The following MANBAL variants were observed in gnomAD, a reference collection of about 807,000 sequenced individuals.
MANBAL encodes the protein mannosidase beta like, also known as protein MANBAL.
MANBAL carries 1 observed loss-of-function variant against 6.4 expected under a neutral mutation model. The observed-to-expected ratio is 0.16, with a 90% confidence interval of 0.06 to 0.74. MANBAL has a LOEUF of 0.74. Among genes scored for constraint, MANBAL ranks in the 30% least tolerant of loss-of-function variants. The pLI is 0.78. For missense variants in MANBAL, 100 were observed against 107.8 expected (o/e 0.93, Z 0.32); for synonymous variants, 47 against 45.8 (o/e 1.03, Z -0.10).
chr20:37,311,543 A>C (rs1461514138), intron 2 of MANBAL, among the ~76,000 whole-genome samples: 13 of 152,180 alleles, frequency 8.5e-5, no homozygotes. Context: ...GCTGGAGTGC[A>C]ATGGCATGAT....
chr20:37,301,038 G>A (rs1033117521), intron 1 of MANBAL, 170 bp from the exon 2 acceptor site: 15 of 252,112 alleles, frequency 5.9e-5, no homozygotes, highest in Admixed American at 1.6e-4. Context: ...AGCTACTCGG[G>A]AGGCCAAGGC....
intron 1 of MANBAL, chr20:37,297,581 C>A (rs533248310): frequency 1.3e-5 from 2 of 151,904 alleles, no homozygotes; most frequent in African/African-American, 4.8e-5. Flanking sequence ...TATTATTCTT[C>A]GGTTACTTCA....
chr20:37,300,317 C>T (rs973059906), intron 1 of MANBAL, among the ~76,000 whole-genome samples: 7 of 152,176 alleles, frequency 4.6e-5, no homozygotes, highest in Non-Finnish European at 7.3e-5. Flanking sequence ...GAACGTGTTT[C>T]CCTCAGATAC....
intron 1 of MANBAL, among the ~76,000 whole-genome samples, chr20:37,293,338 T>TGA (rs1005933657): frequency 1.4e-5 from 2 of 138,916 alleles, no homozygotes; most frequent in Admixed American, 1.4e-4. Flanking sequence ...CAGTGACAGA[T>TGA]CATCAGGCAT....
intron 1 of MANBAL, among the ~76,000 whole-genome samples, chr20:37,295,716 C>T (rs552572518): frequency 6.6e-6 from 1 of 152,298 alleles, no homozygotes; most frequent in African/African-American, 2.4e-5. Flanking sequence ...TTAGTAATAC[C>T]ACCTCCCAGT....
At chr20:37,307,149 A>G (rs1184971590) in intron 2 of MANBAL, among the ~76,000 whole-genome samples, 1 of 152,082 alleles carries the variant, frequency 6.6e-6, no homozygotes, top group East Asian at 1.9e-4. Context: ...ATTTTTTTGT[A>G]GAGACACGGT....
At chr20:37,296,295 G>C (rs1335126516) in intron 1 of MANBAL, among the ~76,000 whole-genome samples, 1 of 152,178 alleles carries the variant, frequency 6.6e-6, no homozygotes, top group African/African-American at 2.4e-5. Context: ...GTAGGGCATA[G>C]ATTTTTCTTA....
chr20:37,291,922 C>T (rs2068880360), intron 1 of MANBAL, among the ~76,000 whole-genome samples: 1 of 152,174 alleles, frequency 6.6e-6, no homozygotes, highest in Non-Finnish European at 1.5e-5. Context: ...TTATTAATTA[C>T]CCAGTCTCGG....
At chr20:37,297,184 C>G (rs2069017440) in intron 1 of MANBAL, 1 of 152,212 alleles carries the variant, frequency 6.6e-6, no homozygotes, top group Admixed American at 6.5e-5. Context: ...GCTGTTCTTG[C>G]AGCCGCCTTG....
intron 2 of MANBAL, among the ~76,000 whole-genome samples, chr20:37,311,273 ACACT>A (rs2069380415): frequency 6.6e-6 from 1 of 152,182 alleles, no homozygotes; most frequent in Non-Finnish European, 1.5e-5. Flanking sequence ...GTACTGGGAG[ACACT>A]GGCTGGCCAG....
intron 1 of MANBAL, among the ~76,000 whole-genome samples, chr20:37,298,145 C>A (rs1464654427): frequency 6.6e-6 from 1 of 152,126 alleles, no homozygotes; most frequent in African/African-American, 2.4e-5. Context: ...ATGTTTGTGC[C>A]ATTGTACTCC....
chr20:37,312,572 G>A (rs760926550), intron 2 of MANBAL, among the ~76,000 whole-genome samples: 4 of 152,148 alleles, frequency 2.6e-5, no homozygotes, highest in Non-Finnish European at 5.9e-5. Context: ...TTGTGAGGCC[G>A]TCATGTCCAG....
rs555803088 is a variant in MANBAL, at chr20:37,304,936, G to A, written c.150+3523G>A. Among the ~76,000 whole-genome samples the A allele has an allele frequency of 6.6e-4, 99 of 150,388 alleles. No homozygotes were observed. In the South Asian group the frequency reaches 0.012, roughly 19 times the overall value. On this transcript the variant is annotated intron_variant, in intron 2 of 2. Transcript: ENST00000373606. ...ACGGCAGGGGACAGGGTCTCCTAAGGAGAGAATGTGGAGGGAGATGAGAAG... is the reference window on the plus strand; with the variant it reads ...ACGGCAGGGGACAGGGTCTCCTAAGAAGAGAATGTGGAGGGAGATGAGAAG...
At chr20:37,299,710 G>A (rs1354265643) in intron 1 of MANBAL, among the ~76,000 whole-genome samples, 3 of 152,228 alleles carry the variant, frequency 2.0e-5, no homozygotes, top group African/African-American at 7.2e-5. Context: ...GTCATGCCAG[G>A]GGAAGAGGAG....
chr20:37,314,051 T>A (rs959997220), intron 2 of MANBAL, among the ~76,000 whole-genome samples: 19 of 152,172 alleles, frequency 1.2e-4, no homozygotes, highest in African/African-American at 4.1e-4. Flanking sequence ...CACTTTAGAA[T>A]AGTTCCTTTC....
intron 2 of MANBAL, among the ~76,000 whole-genome samples, chr20:37,302,743 T>G (rs1394899636): frequency 6.6e-6 from 1 of 151,510 alleles, no homozygotes; most frequent in Non-Finnish European, 1.5e-5. Flanking sequence ...TGAACATATT[T>G]TTAATATATT....
intron 1 of MANBAL, among the ~76,000 whole-genome samples, chr20:37,296,229 A>C (rs575733490): frequency 6.6e-6 from 1 of 152,350 alleles, no homozygotes; most frequent in Admixed American, 6.5e-5. Context: ...CACTGCAGAA[A>C]GCTTTATTGG....
intron 1 of MANBAL, among the ~76,000 whole-genome samples, chr20:37,294,112 C>T (rs1010915838): frequency 9.8e-5 from 15 of 152,294 alleles, no homozygotes; most frequent in Admixed American, 5.9e-4. Flanking sequence ...AAAATATTTG[C>T]ATACATTAAA....
At chr20:37,315,105 G>A (rs1449908888) in intron 2 of MANBAL, among the ~76,000 whole-genome samples, 2 of 152,192 alleles carry the variant, frequency 1.3e-5, no homozygotes, top group African/African-American at 2.4e-5. Flanking sequence ...TGGGGGCCAC[G>A]GTCGGCACCT....
Sources: gnomAD v4.1 joint callset for allele counts (sites outside exome capture counted in the v4.1 genomes callset) on GRCh38, gnomAD v4.1.1 for gene constraint, MANE v1.5 for transcripts, NCBI Gene and HGNC (gene_info 2026-07-23, HGNC 2026-07-21) for gene names.